Variants in CSRP2 observed in about 807,000 individuals in gnomAD.
CSRP2 encodes the protein cysteine and glycine rich protein 2.
A neutral mutation model predicts 24.6 loss-of-function variants in CSRP2; 18 were observed. That is an observed-to-expected ratio of 0.73 (90% CI 0.51 to 1.09). CSRP2 has a LOEUF of 1.09. Ranked by LOEUF, CSRP2 falls within the 50% of genes least tolerant of loss-of-function variation. The pLI is 0.00. For synonymous variants in CSRP2, 87 were observed against 84.3 expected (o/e 1.03, Z -0.18); for missense variants, 215 against 239.4 (o/e 0.90, Z 0.67).
intron 3 of CSRP2, 136 bp downstream of exon 3, chr12:76,863,040 G>C: frequency 1.4e-6 from 2 of 1,436,544 alleles, no homozygotes; most frequent in Non-Finnish European, 1.8e-6. Flanking sequence ...TGAACTAGTT[G>C]ACATTAGAAA....
chr12:76,870,926 T>C (rs1953789491), intron 1 of CSRP2, among the ~76,000 whole-genome samples: 3 of 136,488 alleles, frequency 2.2e-5, no homozygotes, highest in Admixed American at 8.5e-5. Flanking sequence ...TGAGCTATGA[T>C]TGCACCACTG....
In CSRP2 at chr12:76,863,159, A is replaced by C; in HGVS notation, c.281+17T>G. On this transcript the variant is annotated intron_variant, in intron 3 of 5. Coordinates refer to ENST00000311083, the MANE Select transcript of CSRP2 (RefSeq NM_001321.3). ...CGCAACTCATTTCTGAAGGTAACCA[A>C]CGGTCTCCCAACTCACCTCTCTGGT... 2 of 1,600,652 alleles carry C rather than the reference A, an allele frequency of 1.2e-6. No individual in the cohort carries two copies. The highest frequency in any genetic ancestry group is 2.2e-5 in the South Asian group (2 of 89,854).
intron 1 of CSRP2, 144 bp from the exon 2 acceptor site, chr12:76,866,405 A>C: frequency 1.7e-6 from 1 of 586,864 alleles, no homozygotes; most frequent in African/African-American, 1.9e-5. Flanking sequence ...GCGTTCCTCC[A>C]AAATAACCTC....
chr12:76,860,603 C>T (rs1592506904), intron 3 of CSRP2, 190 bp from the exon 4 acceptor site: 1 of 562,412 alleles, frequency 1.8e-6, no homozygotes, highest in Non-Finnish European at 3.1e-6. Context: ...ACTACTTGAA[C>T]CTATCTATGG....
intron 2 of CSRP2, chr12:76,863,720 A>G (rs1410798455): frequency 5.9e-6 from 1 of 168,422 alleles, no homozygotes; most frequent in African/African-American, 2.4e-5. Flanking sequence ...AAAGGTGGCT[A>G]TAAAAATGCT....
At chr12:76,871,597 C>T (rs573771240) in intron 1 of CSRP2, among the ~76,000 whole-genome samples, 16 of 152,088 alleles carry the variant, frequency 1.1e-4, no homozygotes, top group Middle Eastern at 3.4e-3. Flanking sequence ...GGTGAAACCC[C>T]GTCTCTACTA....
At chr12:76,862,797 A>T (rs1953695885) in intron 3 of CSRP2, 1 of 1,429,716 alleles carries the variant, frequency 7.0e-7, no homozygotes, top group Non-Finnish European at 9.1e-7. Context: ...AGGAATTTTC[A>T]TTGGCTGCTT....
chr12:76,864,798 C>T (rs1295983159), intron 2 of CSRP2: 1 of 152,174 alleles, frequency 6.6e-6, no homozygotes, highest in African/African-American at 2.4e-5. Flanking sequence ...TGGAATCTAA[C>T]TGTTGAGGCT....
At position 76,877,964 on chromosome 12, in the gene CSRP2, A is replaced by AC. The variant is rs200315031; in HGVS notation, c.-2+973dup. On this transcript the variant is annotated intron_variant, in intron 1 of 5. Coordinates refer to ENST00000311083, the MANE Select transcript of CSRP2 (RefSeq NM_001321.3). ...AAAAATTACTAACTGCCCCCGCCCC[A>AC]CCCCCCCACCCCCCAAAAAAAATTC... Among the ~76,000 whole-genome samples, 16 of 51,024 alleles carry AC rather than the reference A, an allele frequency of 3.1e-4. No individual in the cohort carries two copies. The East Asian group carries it at 0.012, about 39-fold the overall frequency. The allele number at this position is 51,024 out of a possible 152,430, so 33.5% of individuals were successfully genotyped here. A position where few individuals can be genotyped will look rare whatever the true frequency, so the allele number is the denominator to read the frequency against.
rs549793545 is a variant in CSRP2, at chr12:76,868,100, G to C, written c.-1-1839C>G. On this transcript the variant is annotated intron_variant, in intron 1 of 5. Transcript: ENST00000311083. Reference sequence around the variant, plus strand: ...TTTAGAGAAGTGCTTATTAAAATGTGGTCTCCTGGTGATGGATGGGCCACT... The same window carrying C: ...TTTAGAGAAGTGCTTATTAAAATGTCGTCTCCTGGTGATGGATGGGCCACT... Among the ~76,000 whole-genome samples, 5 of 152,240 alleles carry C rather than the reference G, an allele frequency of 3.3e-5. No individual in the cohort carries two copies. In the South Asian group the frequency reaches 1.0e-3, roughly 32 times the overall value.
chr12:76,874,959 G>T (rs1953839015), intron 1 of CSRP2, among the ~76,000 whole-genome samples: 1 of 152,070 alleles, frequency 6.6e-6, no homozygotes, highest in South Asian at 2.1e-4. Flanking sequence ...AAAAAGGATG[G>T]GGACTGATGA....
At chr12:76,866,547 A>G (rs2137828454) in intron 1 of CSRP2, among the ~76,000 whole-genome samples, 1 of 152,228 alleles carries the variant, frequency 6.6e-6, no homozygotes, top group Admixed American at 6.5e-5. Flanking sequence ...AAAACAAGCT[A>G]TGCCATTAGA....
intron 2 of CSRP2, chr12:76,865,886 G>A: frequency 2.2e-6 from 1 of 462,640 alleles, no homozygotes; most frequent in South Asian, 2.5e-5. Flanking sequence ...CAGTGAGGTG[G>A]GGGAGGCAGA....
chr12:76,870,977 A>AAC (rs1953790529), intron 1 of CSRP2, among the ~76,000 whole-genome samples: 1 of 137,092 alleles, frequency 7.3e-6, no homozygotes, highest in Non-Finnish European at 1.6e-5. Context: ...CCCTGTCTCA[A>AAC]AAAAAAAAAA....
chr12:76,871,899 T>TAA (rs774770134), intron 1 of CSRP2, among the ~76,000 whole-genome samples: 3 of 132,666 alleles, frequency 2.3e-5, no homozygotes, highest in East Asian at 2.1e-4. Context: ...TTGCTGTGCA[T>TAA]AAAAAAAAAA....
chr12:76,859,672 G>A, intron 4 of CSRP2, 32 bp from the exon 5 acceptor site: 1 of 1,533,652 alleles, frequency 6.5e-7, no homozygotes, highest in Non-Finnish European at 9.0e-7. Context: ...GCATGTTTGA[G>A]AGGCCTGTTT....
intron 1 of CSRP2, among the ~76,000 whole-genome samples, chr12:76,878,466 C>T (rs1400183397): frequency 6.6e-6 from 1 of 152,096 alleles, no homozygotes; most frequent in Non-Finnish European, 1.5e-5. Context: ...GGGACAGAAC[C>T]CAGTAAGGTC....
Position 76,866,274 on chromosome 12 carries a change from A to G in CSRP2, c.-1-13T>C. 6.3e-7 allele frequency: 1 copy of G among 1,598,370 alleles called. No individual in the cohort carries two copies. Among genetic ancestry groups the G allele is most frequent in the Non-Finnish European group, 8.6e-7 (1 of 1,165,718 alleles). On this transcript the variant is annotated splice_polypyrimidine_tract_variant and intron_variant, in intron 1 of 5. Coordinates refer to ENST00000311083, the MANE Select transcript of CSRP2 (RefSeq NM_001321.3). ...CCAGACAGGCATTCTGAAGGAATAA[A>G]GGATTCATTAGAATGTCCCTGTGCT...
chr12:76,863,203 C>T lies in CSRP2; in HGVS notation c.254G>A (p.Gly85Asp), dbSNP rs747236370. 1 of 1,613,956 alleles carries T rather than the reference C, an allele frequency of 6.2e-7. No homozygotes were observed. Among genetic ancestry groups the T allele is most frequent in the South Asian group, 1.1e-5 (1 of 91,038 alleles). The change falls in exon 3 of 6, where the codon GGC becomes GAC. Residue 85 changes from glycine (G) to aspartate (D), a missense_variant. Gly to Asp is a moderately conservative substitution (Grantham distance 94). Transcript: ENST00000311083. Reference sequence around the variant, plus strand: ...CTCTGGTTTGATGCCCAGCCTCTCGCCACGGTCCATGTTAAGCGTGCCAGC... The same window carrying T: ...CTCTGGTTTGATGCCCAGCCTCTCGTCACGGTCCATGTTAAGCGTGCCAGC... ...QGAGTLNMDR[G>D]ERLGIKPESV...
Sources: allele counts gnomAD v4.1 joint callset (sites outside exome capture counted in the v4.1 genomes callset), GRCh38; gene constraint gnomAD v4.1.1; transcripts MANE v1.5; gene names NCBI Gene and HGNC (gene_info 2026-07-23, HGNC 2026-07-21).